Variants in TAB2 observed in about 807,000 individuals in gnomAD.
The protein encoded by TAB2 is TGF-beta activated kinase 1 (MAP3K7) binding protein 2, also known as TGF-beta-activated kinase 1 and MAP3K7-binding protein 2.
A neutral mutation model predicts 65.0 loss-of-function variants in TAB2; 3 were observed. The ratio of observed to expected loss-of-function variants is 0.05; its 90% CI spans 0.02 to 0.12. The LOEUF (loss-of-function observed/expected upper bound fraction) is 0.12, where lower values mean the gene tolerates loss of function less well. Ranked by LOEUF, TAB2 falls within the 10% of genes least tolerant of loss-of-function variation. The pLI, the probability that TAB2 is intolerant of heterozygous loss-of-function variation, is 1.00. For missense variants in TAB2, 623 were observed against 840.3 expected, an observed-to-expected ratio of 0.74 and a Z score of 3.20; for synonymous variants, 298 against 285.1, an observed-to-expected ratio of 1.05 and a Z score of -0.46.
intron 1 of TAB2, among the ~76,000 whole-genome samples, chr6:149,362,351 A>G (rs1780879083): frequency 6.6e-6 from 1 of 152,214 alleles, no homozygotes; most frequent in African/African-American, 2.4e-5. Flanking sequence ...CAGCTATGGC[A>G]GAAGGCAAAG....
intron 1 of TAB2, among the ~76,000 whole-genome samples, chr6:149,325,327 G>A (rs1285810546): frequency 6.6e-6 from 1 of 152,144 alleles, no homozygotes; most frequent in African/African-American, 2.4e-5. Flanking sequence ...TGTAGCTTAA[G>A]TAATTGGAAG....
At chr6:149,353,381 T>C (rs1780553883) in intron 1 of TAB2, among the ~76,000 whole-genome samples, 1 of 152,214 alleles carries the variant, frequency 6.6e-6, no homozygotes, top group South Asian at 2.1e-4. Flanking sequence ...AGAAAGTTTC[T>C]TAAGTCTTCC....
intron 1 of TAB2, among the ~76,000 whole-genome samples, chr6:149,364,534 G>A (rs1010380949): frequency 3.3e-5 from 5 of 151,828 alleles, no homozygotes; most frequent in African/African-American, 7.3e-5. Flanking sequence ...AATTATAAAC[G>A]TGTATTTATG....
chr6:149,265,745 G>A (rs1473250351), intron 1 of TAB2, among the ~76,000 whole-genome samples: 1 of 152,170 alleles, frequency 6.6e-6, no homozygotes, highest in Non-Finnish European at 1.5e-5. Context: ...CCCCACGCGC[G>A]AGCCTGCCTT....
intron 1 of TAB2, among the ~76,000 whole-genome samples, chr6:149,275,301 A>AAAGG (rs1491272656): frequency 8.9e-6 from 1 of 112,114 alleles, no homozygotes; most frequent in Admixed American, 8.2e-5. Context: ...AGAAAGAAAG[A>AAAGG]GAAAAAAGAA....
chr6:149,239,897 A>G (rs935799403), intron 1 of TAB2, among the ~76,000 whole-genome samples: 4 of 152,204 alleles, frequency 2.6e-5, no homozygotes, highest in Admixed American at 6.5e-5. Context: ...CCTATTAGTC[A>G]AGCTTTTCTG....
chr6:149,284,645 TACACACACACACACACACACACACAC>T lies in TAB2; in HGVS notation c.-121+65893_-121+65918del, dbSNP rs59723819. Among the ~76,000 whole-genome samples the T allele has an allele frequency of 2.0e-3, 289 of 141,628 alleles. 1 individual carries two copies. The highest frequency in any genetic ancestry group is 3.2e-3 in the Non-Finnish European group (207 of 64,836). The allele number at this position is 141,628 out of a possible 152,430, so 92.9% of individuals were successfully genotyped here. ...CATATCTACCACAGAATGATCTCTTTACACACACACACACACACACACACACACACACACACACACACACACACAAG... is the reference window on the plus strand; with the variant it reads ...CATATCTACCACAGAATGATCTCTTTACACACACACACACACACACACAAG... On this transcript the variant is annotated intron_variant, in intron 1 of 1. Transcript: ENST00000606202.
intron 3 of TAB2, among the ~76,000 whole-genome samples, chr6:149,380,739 A>G (rs1184007389): frequency 6.6e-6 from 1 of 152,226 alleles, no homozygotes; most frequent in Non-Finnish European, 1.5e-5. Flanking sequence ...AGGTTGGAAA[A>G]TACTATAACA....
At chr6:149,325,910 T>C (rs1262974711) in intron 1 of TAB2, among the ~76,000 whole-genome samples, 1 of 152,122 alleles carries the variant, frequency 6.6e-6, no homozygotes, top group Non-Finnish European at 1.5e-5. Flanking sequence ...CAGCTTACTT[T>C]TTATTTTTTG....
intron 3 of TAB2, among the ~76,000 whole-genome samples, chr6:149,395,482 C>T (rs535938977): frequency 6.6e-6 from 1 of 152,308 alleles, no homozygotes; most frequent in East Asian, 1.9e-4. Context: ...GTTTTAACTT[C>T]CTTTAGCACA....
At chr6:149,393,012 C>T (rs1782043815) in intron 3 of TAB2, among the ~76,000 whole-genome samples, 1 of 152,146 alleles carries the variant, frequency 6.6e-6, no homozygotes, top group African/African-American at 2.4e-5. Context: ...CACTTTGACC[C>T]CTTTTTTCCC....
At chr6:149,271,964 C>T (rs560620066) in intron 1 of TAB2, among the ~76,000 whole-genome samples, 2 of 152,126 alleles carry the variant, frequency 1.3e-5, no homozygotes, top group African/African-American at 4.8e-5. Flanking sequence ...GACGCCCACA[C>T]AAAACCCACA....
intron 1 of TAB2, among the ~76,000 whole-genome samples, chr6:149,254,149 G>C (rs998881384): frequency 2.6e-5 from 4 of 151,318 alleles, no homozygotes; most frequent in Non-Finnish European, 1.5e-5. Flanking sequence ...GGAAAGGAAA[G>C]AAAAGGAAAG....
intron 1 of TAB2, among the ~76,000 whole-genome samples, chr6:149,344,347 A>G (rs1013725255): frequency 1.2e-4 from 18 of 152,232 alleles, no homozygotes; most frequent in Non-Finnish European, 2.9e-5. Context: ...GCTTACAGAC[A>G]AGTAATATGA....
chr6:149,340,792 G>T (rs1410361469), intron 1 of TAB2, among the ~76,000 whole-genome samples: 1 of 152,068 alleles, frequency 6.6e-6, no homozygotes, highest in Non-Finnish European at 1.5e-5. Context: ...ACACTTCCAT[G>T]TTAACTTTTT....
intron 3 of TAB2, among the ~76,000 whole-genome samples, chr6:149,384,939 A>G (rs1781740864): frequency 6.6e-6 from 1 of 152,064 alleles, no homozygotes; most frequent in South Asian, 2.1e-4. Flanking sequence ...TAGCTGGTAA[A>G]CTTTTTATTA....
At chr6:149,400,021 G>A (rs1053084129) in intron 6 of TAB2, among the ~76,000 whole-genome samples, 2 of 152,186 alleles carry the variant, frequency 1.3e-5, no homozygotes, top group African/African-American at 2.4e-5. Flanking sequence ...ATTAAACGTT[G>A]TCGAATAACA....
intron 1 of TAB2, among the ~76,000 whole-genome samples, chr6:149,327,612 C>T (rs1779658112): frequency 6.6e-6 from 1 of 152,186 alleles, no homozygotes; most frequent in African/African-American, 2.4e-5. Flanking sequence ...CTCAAGGAAC[C>T]ATCCAAGGGA....
At chr6:149,256,315 T>C (rs1246658984) in intron 1 of TAB2, among the ~76,000 whole-genome samples, 3 of 152,204 alleles carry the variant, frequency 2.0e-5, no homozygotes, top group Non-Finnish European at 2.9e-5. Context: ...TAGAATTGTA[T>C]GGGTGGAATG....
Sources: allele counts gnomAD v4.1 joint callset (sites outside exome capture counted in the v4.1 genomes callset), GRCh38; gene constraint gnomAD v4.1.1; transcripts MANE v1.5; gene names NCBI Gene and HGNC (gene_info 2026-07-23, HGNC 2026-07-21).